The following DTD1 variants were observed in gnomAD, a reference collection of about 807,000 sequenced individuals.
The protein encoded by DTD1 is D-aminoacyl-tRNA deacylase 1.
DTD1 carries 13 observed loss-of-function variants against 25.6 expected under a neutral mutation model. The ratio of observed to expected loss-of-function variants is 0.51; its 90% CI spans 0.33 to 0.81. DTD1 has a LOEUF of 0.81. Ranked by LOEUF, DTD1 falls within the 30% of genes least tolerant of loss-of-function variation. The pLI, the probability that DTD1 is intolerant of heterozygous loss-of-function variation, is 0.02. For missense variants in DTD1, 193 were observed against 266.4 expected, an observed-to-expected ratio of 0.72 and a Z score of 1.92; for synonymous variants, 110 against 103.6, an observed-to-expected ratio of 1.06 and a Z score of -0.37.
intron 4 of DTD1, among the ~76,000 whole-genome samples, chr20:18,705,730 A>G (rs1363213751): frequency 1.3e-5 from 2 of 152,068 alleles, no homozygotes; most frequent in African/African-American, 2.4e-5. Context: ...TGTGAGAATG[A>G]CTGAATGGAA....
At chr20:18,676,721 G>A (rs1019825539) in intron 4 of DTD1, among the ~76,000 whole-genome samples, 1 of 152,164 alleles carries the variant, frequency 6.6e-6, no homozygotes, top group East Asian at 1.9e-4. Context: ...TGTCTTCACC[G>A]ACGGCTGCTG....
At chr20:18,760,069 G>A (rs149347402) in intron 5 of DTD1, among the ~76,000 whole-genome samples, 267 of 152,220 alleles carry the variant, frequency 1.8e-3, no homozygotes, top group African/African-American at 6.1e-3. Flanking sequence ...TTCTCGTGTC[G>A]TGGTTTTCAG....
At chr20:18,705,327 A>T (rs1416512086) in intron 4 of DTD1, among the ~76,000 whole-genome samples, 1 of 152,186 alleles carries the variant, frequency 6.6e-6, no homozygotes, top group Non-Finnish European at 1.5e-5. Flanking sequence ...CACTATCCTC[A>T]CACGTGGACA....
intron 4 of DTD1, among the ~76,000 whole-genome samples, chr20:18,716,359 G>A (rs2122485850): frequency 6.6e-6 from 1 of 152,306 alleles, no homozygotes; most frequent in Admixed American, 6.5e-5. Context: ...GTGGCACGTG[G>A]GGTCTGACTG....
intron 4 of DTD1, among the ~76,000 whole-genome samples, chr20:18,638,137 A>G (rs1325412394): frequency 2.0e-5 from 3 of 151,430 alleles, no homozygotes; most frequent in Non-Finnish European, 4.4e-5. Context: ...TCATTTATCC[A>G]TTTATCCATC....
At chr20:18,634,410 T>G (rs1368231589) in intron 4 of DTD1, among the ~76,000 whole-genome samples, 1 of 152,206 alleles carries the variant, frequency 6.6e-6, no homozygotes, top group African/African-American at 2.4e-5. Context: ...CTCATTTATT[T>G]AGTGCCATCG....
chr20:18,662,210 A>T (rs2060914191), intron 4 of DTD1, among the ~76,000 whole-genome samples: 3 of 152,194 alleles, frequency 2.0e-5, no homozygotes, highest in Non-Finnish European at 4.4e-5. Flanking sequence ...AATGCAAGTT[A>T]CAAGCTCCCA....
intron 4 of DTD1, among the ~76,000 whole-genome samples, chr20:18,635,483 G>C (rs556405431): frequency 6.6e-6 from 1 of 152,212 alleles, no homozygotes; most frequent in Non-Finnish European, 1.5e-5. Context: ...TGCTTTCCAT[G>C]AATTATGAGA....
intron 4 of DTD1, among the ~76,000 whole-genome samples, chr20:18,733,575 C>T (rs1295853321): frequency 3.3e-5 from 5 of 152,238 alleles, no homozygotes; most frequent in African/African-American, 1.2e-4. Context: ...GGAGGTGTTC[C>T]ACCATGTCCC....
chr20:18,611,799 C>A (rs1038812184), intron 3 of DTD1, among the ~76,000 whole-genome samples: 18 of 152,036 alleles, frequency 1.2e-4, no homozygotes, highest in Non-Finnish European at 1.6e-4. Flanking sequence ...ACAGTGGAAC[C>A]CTGGAGGGGA....
At chr20:18,701,813 T>C (rs767716925) in intron 4 of DTD1, among the ~76,000 whole-genome samples, 11 of 152,246 alleles carry the variant, frequency 7.2e-5, no homozygotes, top group Non-Finnish European at 1.5e-4. Flanking sequence ...AAGAATCACC[T>C]AATAATTCTT....
chr20:18,671,305 G>T (rs1427591059), intron 4 of DTD1, among the ~76,000 whole-genome samples: 3 of 152,170 alleles, frequency 2.0e-5, no homozygotes. Context: ...AAACATTGTA[G>T]TTGTAAAGAG....
chr20:18,731,987 T>C (rs1317510028), intron 4 of DTD1, among the ~76,000 whole-genome samples: 1 of 152,232 alleles, frequency 6.6e-6, no homozygotes, highest in Non-Finnish European at 1.5e-5. Flanking sequence ...TGTGGGCTAC[T>C]TGCTGTCCTG....
At chr20:18,632,605 T>C in intron 4 of DTD1, 1 of 984,870 alleles carries the variant, frequency 1.0e-6, no homozygotes, top group Non-Finnish European at 1.2e-6. Context: ...TAATTCTCAG[T>C]GTTTTATTTT....
At chr20:18,672,219 G>A (rs1422350024) in intron 4 of DTD1, among the ~76,000 whole-genome samples, 1 of 152,106 alleles carries the variant, frequency 6.6e-6, no homozygotes, top group African/African-American at 2.4e-5. Flanking sequence ...AAGTGACAAA[G>A]TGAGACCCTG....
At chr20:18,738,078 G>A (rs189321685) in intron 4 of DTD1, among the ~76,000 whole-genome samples, 79 of 152,342 alleles carry the variant, frequency 5.2e-4, no homozygotes, top group Non-Finnish European at 9.1e-4. Context: ...TGGACAGTCA[G>A]CCTCAGGAAG....
intron 4 of DTD1, among the ~76,000 whole-genome samples, chr20:18,630,192 C>A (rs1169467852): frequency 1.3e-5 from 2 of 152,060 alleles, no homozygotes; most frequent in Non-Finnish European, 2.9e-5. Context: ...TTGAGACTTA[C>A]AGAAAAGTTG....
intron 3 of DTD1, among the ~76,000 whole-genome samples, chr20:18,623,228 T>A (rs966479516): frequency 6.6e-6 from 1 of 152,144 alleles, no homozygotes; most frequent in Non-Finnish European, 1.5e-5. Flanking sequence ...TGTGAACCAC[T>A]GTGCCTAGCA....
At chr20:18,672,073 A>G (rs1370377350) in intron 4 of DTD1, among the ~76,000 whole-genome samples, 2 of 152,150 alleles carry the variant, frequency 1.3e-5, no homozygotes, top group Non-Finnish European at 2.9e-5. Flanking sequence ...ATCTCTACAG[A>G]AAGTTAAAAA....
Sources: allele counts gnomAD v4.1 joint callset (sites outside exome capture counted in the v4.1 genomes callset), GRCh38; gene constraint gnomAD v4.1.1; transcripts MANE v1.5; gene names NCBI Gene and HGNC (gene_info 2026-07-23, HGNC 2026-07-21).